The following MTBP variants were observed in gnomAD, a reference collection of about 807,000 sequenced individuals.
The protein encoded by MTBP is MDM2 binding protein.
In MTBP, 101 loss-of-function variants were observed where a neutral mutation model predicts 117.0. The ratio of observed to expected loss-of-function variants is 0.86; its 90% CI spans 0.73 to 1.02. MTBP has a LOEUF of 1.02. Ranked by LOEUF, MTBP falls within the 50% of genes least tolerant of loss-of-function variation. The pLI, the probability that MTBP is intolerant of heterozygous loss-of-function variation, is 0.00. For missense variants in MTBP, 970 were observed against 1,030.9 expected (o/e 0.94, Z 0.81); for synonymous variants, 350 against 351.5 (o/e 1.00, Z 0.05).
chr8:120,458,846 C>T (rs1212993500), intron 7 of MTBP, among the ~76,000 whole-genome samples: 2 of 77,732 alleles, frequency 2.6e-5, no homozygotes, highest in African/African-American at 7.0e-5. Flanking sequence ...CATCTCAAAG[C>T]CAAAAAAAAA....
chr8:120,488,603 C>T (rs1480248600), intron 12 of MTBP, among the ~76,000 whole-genome samples: 1 of 152,126 alleles, frequency 6.6e-6, no homozygotes, highest in Admixed American at 6.5e-5. Flanking sequence ...GTATTTTCCA[C>T]TTTAAATACA....
rs147445942 is a variant in MTBP at position 120,453,883 on chromosome 8, G to C, written c.462G>C (p.Leu154=). 1.3e-6 allele frequency: 2 copies of C among 1,579,936 alleles called. No homozygotes were observed. The highest frequency in any genetic ancestry group is 1.4e-5 in the African/African-American group (1 of 74,070). ...AAGCTGCAGAAAATTTGCATCAGCT[G>C]TCAGACAAGCTTCCTGCTCCTGGTA... The part of the protein sequence containing the change: ...YEEAAENLHQ[L]SDKLPAPGRA... Residue 154 remains leucine, a synonymous_variant, in exon 5 of 22, where the codon CTG becomes CTC. Coordinates refer to ENST00000305949, the MANE Select transcript of MTBP (RefSeq NM_022045.5).
chr8:120,473,789 A>G (rs1036099717), intron 11 of MTBP: 2 of 152,094 alleles, frequency 1.3e-5, no homozygotes, highest in African/African-American at 4.8e-5. Context: ...GAGTGGCAAT[A>G]TAGTCAATTT....
intron 10 of MTBP, among the ~76,000 whole-genome samples, chr8:120,469,298 G>A (rs570415559): frequency 1.8e-4 from 27 of 151,624 alleles, no homozygotes; most frequent in Middle Eastern, 6.8e-3. Flanking sequence ...CACTTGCCTC[G>A]GCCTCCCAAA....
chr8:120,451,389 A>G, intron 4 of MTBP, 67 bp downstream of exon 4: 1 of 1,340,882 alleles, frequency 7.5e-7, no homozygotes, highest in Non-Finnish European at 1.0e-6. Flanking sequence ...TTAATCCATG[A>G]GAATGAAGAT....
chr8:120,482,845 A>G (rs137959753), intron 11 of MTBP, among the ~76,000 whole-genome samples: 2,695 of 151,964 alleles, frequency 0.018, 80 homozygotes, highest in African/African-American at 0.062. Context: ...GATTACAGGC[A>G]CATGCCACCA....
intron 11 of MTBP, among the ~76,000 whole-genome samples, chr8:120,481,973 C>G (rs967865802): frequency 6.6e-6 from 1 of 152,110 alleles, no homozygotes; most frequent in Non-Finnish European, 1.5e-5. Flanking sequence ...CATTTAGGTC[C>G]TTCAATCTAA....
At chr8:120,475,837 T>G (rs894300963) in intron 11 of MTBP, among the ~76,000 whole-genome samples, 3 of 152,004 alleles carry the variant, frequency 2.0e-5, no homozygotes, top group African/African-American at 7.2e-5. Context: ...TACAGAGATA[T>G]TTTATGAAAT....
At chr8:120,467,478 C>T (rs376884236) in intron 10 of MTBP, among the ~76,000 whole-genome samples, 1 of 152,078 alleles carries the variant, frequency 6.6e-6, no homozygotes, top group East Asian at 1.9e-4. Flanking sequence ...ATTATCCAGG[C>T]GTGGTGGCAT....
At chr8:120,456,268 T>A (rs945503659) in intron 6 of MTBP, among the ~76,000 whole-genome samples, 1 of 152,158 alleles carries the variant, frequency 6.6e-6, no homozygotes, top group Non-Finnish European at 1.5e-5. Flanking sequence ...CCTGTGTGTG[T>A]GTTTATGTAC....
intron 11 of MTBP, among the ~76,000 whole-genome samples, chr8:120,479,390 A>G (rs1445966652): frequency 6.6e-6 from 1 of 152,248 alleles, no homozygotes; most frequent in Non-Finnish European, 1.5e-5. Flanking sequence ...AAGAAATTTT[A>G]CTGACAGAGA....
At chr8:120,508,944 G>C (rs1814745724) in intron 16 of MTBP, among the ~76,000 whole-genome samples, 1 of 152,096 alleles carries the variant, frequency 6.6e-6, no homozygotes, top group African/African-American at 2.4e-5. Flanking sequence ...TTCTTTCCCA[G>C]ATTTTGATAT....
intron 8 of MTBP, among the ~76,000 whole-genome samples, chr8:120,459,951 T>G (rs1813549077): frequency 6.6e-6 from 1 of 152,136 alleles, no homozygotes; most frequent in South Asian, 2.1e-4. Flanking sequence ...AGGAAAAGGC[T>G]TAGTTGGCTT....
chr8:120,518,659 T>G (rs1814961917), intron 19 of MTBP, 45 bp from the exon 20 acceptor site: 6 of 1,297,790 alleles, frequency 4.6e-6, no homozygotes, highest in Non-Finnish European at 6.5e-6. Flanking sequence ...AATAGGTTTG[T>G]GCCTTTTCCA....
Position 120,513,371 on chromosome 8 carries a change from T to G in MTBP, c.1980-2554T>G, listed in dbSNP as rs113880722. On this transcript the variant is annotated intron_variant, in intron 17 of 21. Coordinates refer to ENST00000305949, the MANE Select transcript of MTBP (RefSeq NM_022045.5). The stretch of plus-strand genomic sequence containing the variant: ...TTGTTAGGACCCATAAAGCATTTGC[T>G]TATTGTTTTGTAAGAAAATATGGAA... Among the ~76,000 whole-genome samples the G allele has an allele frequency of 3.0e-3, 463 of 152,188 alleles. 1 individual carries two copies. Among genetic ancestry groups the G allele is most frequent in the Non-Finnish European group, 5.0e-3 (341 of 67,926 alleles).
intron 10 of MTBP, 30 bp downstream of exon 10, chr8:120,463,791 T>C (rs754167963): frequency 6.3e-7 from 1 of 1,592,028 alleles, no homozygotes; most frequent in Admixed American, 1.7e-5. Flanking sequence ...GGTTTTTTGT[T>C]TGTTTGTTTT....
intron 20 of MTBP, among the ~76,000 whole-genome samples, chr8:120,521,225 G>T (rs933818161): frequency 6.6e-6 from 1 of 152,042 alleles, no homozygotes; most frequent in East Asian, 1.9e-4. Flanking sequence ...ATTTAGGAGT[G>T]AAAAACCCAG....
intron 13 of MTBP, among the ~76,000 whole-genome samples, chr8:120,496,644 C>T (rs1181264318): frequency 6.6e-6 from 1 of 151,660 alleles, no homozygotes; most frequent in Non-Finnish European, 1.5e-5. Context: ...ATAGATTTTT[C>T]CTTAATCCCT....
At chr8:120,473,034 A>C (rs1189735617) in intron 11 of MTBP, 2 of 152,164 alleles carry the variant, frequency 1.3e-5, no homozygotes, top group African/African-American at 4.8e-5. Flanking sequence ...AAATTCCTAG[A>C]TGCTCAAACC....
Sources: gnomAD v4.1 joint callset for allele counts (sites outside exome capture counted in the v4.1 genomes callset) on GRCh38, gnomAD v4.1.1 for gene constraint, MANE v1.5 for transcripts, NCBI Gene and HGNC (gene_info 2026-07-23, HGNC 2026-07-21) for gene names.